The following NCKAP1 variants were observed in gnomAD, a reference collection of about 807,000 sequenced individuals.
The protein encoded by NCKAP1 is NCK associated protein 1.
In NCKAP1, 21 loss-of-function variants were observed where a neutral mutation model predicts 151.2. The observed-to-expected ratio is 0.14, with a 90% CI of 0.10 to 0.20. The LOEUF is 0.20. Among genes scored for constraint, NCKAP1 ranks in the 10% least tolerant of loss-of-function variants. The pLI is 1.00. For missense variants in NCKAP1, 933 were observed against 1,352.1 expected, an observed-to-expected ratio of 0.69 and a Z score of 4.86; for synonymous variants, 484 against 451.8, an observed-to-expected ratio of 1.07 and a Z score of -0.90.
rs977863538 is a variant in NCKAP1, at chr2:182,911,709, T to C, written c.*13993A>G. 6.6e-6 allele frequency: 1 copy of C among 151,850 alleles called. No homozygotes were observed. Among genetic ancestry groups the C allele is most frequent in the Non-Finnish European group, 1.5e-5 (1 of 67,940 alleles). 9.4% of individuals were successfully genotyped at this position (151,850 alleles called of 1,614,324 possible). ...TATGTTAACACCTATACTACTACAA[T>C]GAGAAAACAGATTGCTGTTGATGGG... On this transcript the variant is annotated 3_prime_UTR_variant, in exon 31 of 31. Coordinates refer to ENST00000361354, the MANE Select transcript of NCKAP1 (RefSeq NM_013436.5).
chr2:182,936,401 GAAT>G (rs1378200784), intron 24 of NCKAP1, among the ~76,000 whole-genome samples: 1 of 152,124 alleles, frequency 6.6e-6, no homozygotes, highest in Non-Finnish European at 1.5e-5. Flanking sequence ...AATATAAACA[GAAT>G]AATGACCTAG....
At chr2:182,955,259 CA>C (rs1291983548) in intron 20 of NCKAP1, among the ~76,000 whole-genome samples, 1 of 152,168 alleles carries the variant, frequency 6.6e-6, no homozygotes, top group Admixed American at 6.5e-5. Context: ...GTACTTAACA[CA>C]TTGTTAAGCA....
chr2:182,976,268 T>C (rs886938120), intron 15 of NCKAP1, among the ~76,000 whole-genome samples: 2 of 152,242 alleles, frequency 1.3e-5, no homozygotes, highest in Non-Finnish European at 2.9e-5. Context: ...CTTTAGGAAC[T>C]ATTTATATGA....
rs1017129437 is a variant in NCKAP1, at chr2:182,923,397, C to A, written c.*2305G>T. 6.5e-4 allele frequency: 99 copies of A among 152,216 alleles called. No individual in the cohort carries two copies. Among genetic ancestry groups the A allele is most frequent in the African/African-American group, 2.2e-3 (93 of 41,520 alleles). The allele number at this position is 152,216 out of a possible 1,614,324, so 9.4% of individuals were successfully genotyped here. ...AAACAATTCTTCCACCTCAGCCTCC[C>A]ATGTAGCCAGGATGATAGGTGTGCA... On this transcript the variant is annotated 3_prime_UTR_variant, in exon 31 of 31. Coordinates refer to ENST00000361354, the MANE Select transcript of NCKAP1 (RefSeq NM_013436.5).
At chr2:182,953,047 A>T in intron 21 of NCKAP1, 66 bp downstream of exon 21, 1 of 1,498,424 alleles carries the variant, frequency 6.7e-7, no homozygotes, top group Admixed American at 2.1e-5. Context: ...TCACAAAAAA[A>T]TTAATTTTCC....
chr2:183,026,257 T>C (rs1275223221), intron 1 of NCKAP1, among the ~76,000 whole-genome samples: 3 of 152,074 alleles, frequency 2.0e-5, no homozygotes, highest in Non-Finnish European at 2.9e-5. Context: ...AGCATGACCC[T>C]GTCTCTACAA....
At chr2:182,946,681 C>T (rs1697113862) in intron 23 of NCKAP1, among the ~76,000 whole-genome samples, 1 of 148,252 alleles carries the variant, frequency 6.7e-6, no homozygotes, top group Admixed American at 6.8e-5. Context: ...ATGTCTAAAA[C>T]TGCTCCTTTC....
chr2:182,978,788 A>T (rs1221279041), intron 14 of NCKAP1, 46 bp downstream of exon 14: 1 of 1,160,280 alleles, frequency 8.6e-7, no homozygotes, highest in Non-Finnish European at 1.2e-6. Context: ...TCAAGTTTGA[A>T]AATCTAATTA....
chr2:183,014,710 T>C (rs895605940), intron 2 of NCKAP1, among the ~76,000 whole-genome samples: 1 of 152,200 alleles, frequency 6.6e-6, no homozygotes, highest in Non-Finnish European at 1.5e-5. Context: ...TCTTGGCAAT[T>C]AACTTTAGAT....
chr2:183,002,647 A>G (rs1238362733), intron 4 of NCKAP1, among the ~76,000 whole-genome samples: 3 of 149,398 alleles, frequency 2.0e-5, no homozygotes, highest in Non-Finnish European at 4.4e-5. Flanking sequence ...TCTTGTATCT[A>G]AAAATTATCA....
At chr2:183,029,546 G>A (rs1698965203) in intron 1 of NCKAP1, among the ~76,000 whole-genome samples, 1 of 151,658 alleles carries the variant, frequency 6.6e-6, no homozygotes, top group Non-Finnish European at 1.5e-5. Flanking sequence ...AAAAAAGACT[G>A]CTCAGTAGCT....
chr2:183,024,954 G>C (rs1361500496), intron 1 of NCKAP1: 1 of 1,611,670 alleles, frequency 6.2e-7, no homozygotes, highest in East Asian at 2.2e-5. Flanking sequence ...AGCGGGCAGA[G>C]GGAAGGTGAA....
intron 8 of NCKAP1, among the ~76,000 whole-genome samples, chr2:182,991,032 A>T (rs976431322): frequency 6.6e-6 from 1 of 152,198 alleles, no homozygotes; most frequent in Admixed American, 6.5e-5. Flanking sequence ...ATAAAACATT[A>T]TCCTCTTATG....
intron 2 of NCKAP1, among the ~76,000 whole-genome samples, chr2:183,008,073 T>A (rs1199000224): frequency 6.6e-6 from 1 of 152,102 alleles, no homozygotes; most frequent in Admixed American, 6.5e-5. Flanking sequence ...ATTATACGCA[T>A]GCGCCAGCAC....
chr2:182,927,070 A>C (rs2105796535), intron 29 of NCKAP1, 165 bp from the exon 30 acceptor site: 1 of 510,958 alleles, frequency 2.0e-6, no homozygotes, highest in African/African-American at 2.0e-5. Flanking sequence ...TTCAAGCAGT[A>C]ATTTAGAGAG....
At chr2:182,941,904 C>A (rs988498229) in intron 24 of NCKAP1, among the ~76,000 whole-genome samples, 166 bp downstream of exon 24, 1 of 152,106 alleles carries the variant, frequency 6.6e-6, no homozygotes, top group African/African-American at 2.4e-5. Context: ...GCCACACACA[C>A]ACTTATATGA....
intron 25 of NCKAP1, 38 bp downstream of exon 25, chr2:182,935,255 G>T: frequency 1.5e-6 from 2 of 1,309,300 alleles, no homozygotes; most frequent in South Asian, 1.3e-5. Flanking sequence ...AAAAGGGATT[G>T]TTTGGATACC....
At chr2:182,928,082 A>C (rs895603630) in intron 29 of NCKAP1, 35 bp downstream of exon 29, 1 of 1,431,542 alleles carries the variant, frequency 7.0e-7, no homozygotes, top group African/African-American at 1.4e-5. Context: ...TTTCTTTATA[A>C]AATGTGATGA....
At chr2:182,975,723 T>C (rs1174167048) in intron 15 of NCKAP1, among the ~76,000 whole-genome samples, 30 of 151,954 alleles carry the variant, frequency 2.0e-4, no homozygotes, top group Admixed American at 1.8e-3. Context: ...CTGGACAACA[T>C]AGCAAGATTC....
Sources: allele counts gnomAD v4.1 joint callset (sites outside exome capture counted in the v4.1 genomes callset), GRCh38; gene constraint gnomAD v4.1.1; transcripts MANE v1.5; gene names NCBI Gene and HGNC (gene_info 2026-07-23, HGNC 2026-07-21).